Variants in CATSPERQ observed in about 807,000 individuals in gnomAD.
CATSPERQ encodes cation channel sperm-associated auxiliary subunit theta.
At chr8:144,354,759 C>T in the CATSPERQ span, 1 of 1,535,190 alleles carries the variant, frequency 6.5e-7, no homozygotes, top group Non-Finnish European at 8.7e-7. This position sits in a 1 kb window ranked among gnomAD's most constrained non-coding sequence, Gnocchi z 4.6. Context: ...CGGCCCGGCC[C>T]TTAGGCATCT....
At chr8:144,353,859 G>A in the CATSPERQ span, 9 of 1,535,082 alleles carry the variant, frequency 5.9e-6, no homozygotes, top group Non-Finnish European at 7.0e-6. Flanking sequence ...AGCACCTTCC[G>A]TGGGCTGCGG....
At chr8:144,353,500 C>A in the CATSPERQ span, 1 of 1,535,330 alleles carries the variant, frequency 6.5e-7, no homozygotes, top group Non-Finnish European at 8.7e-7. Flanking sequence ...AGTTTCCGGG[C>A]GATGTAACGG....
At chr8:144,354,574 T>TACCCC in the CATSPERQ span, 1 of 322,968 alleles carries the variant, frequency 3.1e-6, no homozygotes, top group Non-Finnish European at 5.4e-6. This position sits in a 1 kb window ranked among gnomAD's most constrained non-coding sequence, Gnocchi z 4.6. Flanking sequence ...GCCCCGCCCT[T>TACCCC]CCCAGCCCCG....
the CATSPERQ span, chr8:144,354,065 G>T: frequency 6.5e-7 from 1 of 1,535,398 alleles, no homozygotes; most frequent in Non-Finnish European, 8.7e-7. This position sits in a 1 kb window ranked among gnomAD's most constrained non-coding sequence, Gnocchi z 4.6. Context: ...AGCACCAGGC[G>T]GCGCCGCGGC....
the CATSPERQ span, chr8:144,354,097 A>G: frequency 6.5e-7 from 1 of 1,535,320 alleles, no homozygotes; most frequent in Middle Eastern, 1.7e-4. This position sits in a 1 kb window ranked among gnomAD's most constrained non-coding sequence, Gnocchi z 4.6. Context: ...CACGAGCCAC[A>G]GGCCCACGCC....
chr8:144,353,417 A>T, the CATSPERQ span: 1 of 1,535,878 alleles, frequency 6.5e-7, no homozygotes, highest in Admixed American at 2.0e-5. Context: ...TCACAGTGCC[A>T]GCGCCAGGGG....
the CATSPERQ span, chr8:144,354,555 T>TC: frequency 1.6e-5 from 11 of 681,558 alleles, no homozygotes; most frequent in South Asian, 5.6e-5. This position sits in a 1 kb window ranked among gnomAD's most constrained non-coding sequence, Gnocchi z 4.6. Flanking sequence ...CCCGTCTCCC[T>TC]CCTCCCCCGC....
the CATSPERQ span, chr8:144,353,562 A>T: frequency 6.6e-7 from 1 of 1,515,756 alleles, no homozygotes; most frequent in Non-Finnish European, 8.8e-7. Flanking sequence ...TGGGGCCGGG[A>T]CAGGACAGAC....
the CATSPERQ span, chr8:144,353,354 C>T: frequency 2.0e-6 from 3 of 1,532,684 alleles, no homozygotes; most frequent in East Asian, 2.4e-5. Context: ...AGAGTCACAC[C>T]TCCAGGCTGG....
At chr8:144,353,984 C>A in the CATSPERQ span, 1 of 1,534,562 alleles carries the variant, frequency 6.5e-7, no homozygotes. Flanking sequence ...CGCACGTAGA[C>A]CAGATGCAAG....
At chr8:144,354,552 C>CCCA in the CATSPERQ span, 1 of 932,926 alleles carries the variant, frequency 1.1e-6, no homozygotes, top group Non-Finnish European at 1.6e-6. The surrounding 1 kb of genome is among the most constrained non-coding windows in gnomAD (Gnocchi z 4.6). Flanking sequence ...GGGCCCGTCT[C>CCCA]CCTCCTCCCC....
At chr8:144,354,578 A>AAACC in the CATSPERQ span, 1 of 221,158 alleles carries the variant, frequency 4.5e-6, no homozygotes, top group Non-Finnish European at 7.0e-6. This position sits in a 1 kb window ranked among gnomAD's most constrained non-coding sequence, Gnocchi z 4.6. Context: ...CGCCCTTCCC[A>AAACC]GCCCCGCCCC....
At chr8:144,354,315 G>A in the CATSPERQ span, 2 of 1,533,538 alleles carry the variant, frequency 1.3e-6, no homozygotes, top group Non-Finnish European at 1.7e-6. This position sits in a 1 kb window ranked among gnomAD's most constrained non-coding sequence, Gnocchi z 4.6. Context: ...TGTCCAGGTA[G>A]TATTCGAGCA....
the CATSPERQ span, chr8:144,353,241 C>T: frequency 1.5e-6 from 2 of 1,361,400 alleles, no homozygotes; most frequent in Non-Finnish European, 1.9e-6. Flanking sequence ...GCTGAGGCAG[C>T]TTTATTGAAA....
the CATSPERQ span, chr8:144,354,709 A>G: frequency 6.5e-7 from 1 of 1,535,578 alleles, no homozygotes; most frequent in South Asian, 1.2e-5. The surrounding 1 kb of genome is among the most constrained non-coding windows in gnomAD (Gnocchi z 4.6). Flanking sequence ...TAGGAACCAG[A>G]GCTGGAAGCG....
At chr8:144,354,387 C>T in the CATSPERQ span, 1 of 1,502,254 alleles carries the variant, frequency 6.7e-7, no homozygotes, top group South Asian at 1.2e-5. The surrounding 1 kb of genome is among the most constrained non-coding windows in gnomAD (Gnocchi z 4.6). Flanking sequence ...CCGGGGGTGG[C>T]GGTGCCAAGG....
the CATSPERQ span, chr8:144,354,184 G>A: frequency 6.5e-7 from 1 of 1,542,138 alleles, no homozygotes; most frequent in African/African-American, 1.4e-5. The surrounding 1 kb of genome is among the most constrained non-coding windows in gnomAD (Gnocchi z 4.6). Context: ...GAGCGGCGCG[G>A]GGCCGGCCCT....
chr8:144,354,275 T>C, the CATSPERQ span: 1 of 1,534,490 alleles, frequency 6.5e-7, no homozygotes, highest in Middle Eastern at 1.9e-4. The surrounding 1 kb of genome is among the most constrained non-coding windows in gnomAD (Gnocchi z 4.6). Flanking sequence ...ACCACGCTGA[T>C]GATGAAGAGC....
chr8:144,354,555 T>TCCACCCCCCCCCCCCCC, the CATSPERQ span: 1 of 681,608 alleles, frequency 1.5e-6, no homozygotes, highest in Non-Finnish European at 2.2e-6. This position sits in a 1 kb window ranked among gnomAD's most constrained non-coding sequence, Gnocchi z 4.6. Context: ...CCCGTCTCCC[T>TCCACCCCCCCCCCCCCC]CCTCCCCCGC....
Sources: allele counts gnomAD v4.1 joint callset, GRCh38; gene constraint gnomAD v4.1.1; non-coding constraint Gnocchi (gnomAD v3.1); transcripts MANE v1.5; gene names NCBI Gene and HGNC (gene_info 2026-07-23, HGNC 2026-07-21).